Variants in CXCL13 observed in about 807,000 individuals in gnomAD.
CXCL13 encodes C-X-C motif chemokine ligand 13.
In CXCL13, 7 loss-of-function variants were observed where a neutral mutation model predicts 12.2. The ratio of observed to expected loss-of-function variants is 0.57; its 90% CI spans 0.33 to 1.07. CXCL13 has a LOEUF of 1.07. CXCL13 is among the 50% of genes least tolerant of loss of function. CXCL13 has a pLI of 0.04. For missense variants in CXCL13, 113 were observed against 127.4 expected, an observed-to-expected ratio of 0.89 and a Z score of 0.55; for synonymous variants, 47 against 42.4, an observed-to-expected ratio of 1.11 and a Z score of -0.42.
intron 1 of CXCL13, among the ~76,000 whole-genome samples, chr4:77,535,320 T>A (rs1429383989): frequency 2.0e-5 from 3 of 152,212 alleles, no homozygotes; most frequent in African/African-American, 7.2e-5. Flanking sequence ...TTTTATAAAT[T>A]CTTCAATGTA....
At chr4:77,529,703 G>A (rs561650270) in intron 1 of CXCL13, among the ~76,000 whole-genome samples, 2 of 152,228 alleles carry the variant, frequency 1.3e-5, no homozygotes, top group Admixed American at 6.5e-5. Flanking sequence ...TCTAGATATA[G>A]AATCATGTCA....
intron 1 of CXCL13, among the ~76,000 whole-genome samples, chr4:77,527,560 A>G (rs1037196802): frequency 5.9e-5 from 9 of 152,048 alleles, no homozygotes; most frequent in African/African-American, 1.9e-4. Flanking sequence ...TAAGCCTGAG[A>G]GGTGGAGGTT....
At chr4:77,594,986 A>G (rs917682598) in intron 1 of CXCL13, among the ~76,000 whole-genome samples, 1 of 152,146 alleles carries the variant, frequency 6.6e-6, no homozygotes, top group Non-Finnish European at 1.5e-5. Flanking sequence ...TGGCCACGGT[A>G]AGAGTATGTA....
intron 1 of CXCL13, among the ~76,000 whole-genome samples, chr4:77,563,355 T>G (rs1725857930): frequency 6.6e-6 from 1 of 152,232 alleles, no homozygotes; most frequent in African/African-American, 2.4e-5. Flanking sequence ...GTGCTGTGTT[T>G]ACACTACAGC....
At chr4:77,604,920 A>C (rs1253633375), upstream of CXCL13, among the ~76,000 whole-genome samples, 7 of 152,232 alleles carry the variant, frequency 4.6e-5, no homozygotes, top group African/African-American at 1.7e-4. Context: ...ACTCTAGGCC[A>C]GACTAGCCAG....
chr4:77,572,406 G>GA (rs1383751835), intron 1 of CXCL13, among the ~76,000 whole-genome samples: 7 of 150,738 alleles, frequency 4.6e-5, no homozygotes, highest in South Asian at 2.1e-4. Flanking sequence ...GTCTCAAAAA[G>GA]AAAAAAAATA....
chr4:77,513,074 C>T (rs1196036109), intron 1 of CXCL13, among the ~76,000 whole-genome samples: 1 of 152,110 alleles, frequency 6.6e-6, no homozygotes, highest in East Asian at 1.9e-4. Flanking sequence ...TGATGGTTTC[C>T]ACCTTCACCC....
intron 1 of CXCL13, among the ~76,000 whole-genome samples, chr4:77,514,025 A>T (rs1476069526): frequency 1.3e-5 from 2 of 151,924 alleles, no homozygotes; most frequent in African/African-American, 4.8e-5. Context: ...CTCATTGTTC[A>T]ATTCCCACCT....
chr4:77,534,211 A>C (rs1373226132), intron 1 of CXCL13, among the ~76,000 whole-genome samples: 1 of 152,148 alleles, frequency 6.6e-6, no homozygotes, highest in African/African-American at 2.4e-5. Context: ...AACAAAAGAC[A>C]TGCAACTACC....
At chr4:77,519,373 G>T (rs987393456) in intron 1 of CXCL13, among the ~76,000 whole-genome samples, 1 of 152,190 alleles carries the variant, frequency 6.6e-6, no homozygotes, top group Non-Finnish European at 1.5e-5. Context: ...CACGCTGGGA[G>T]CTGTAGACCG....
chr4:77,537,500 AG>A lies in CXCL13; in HGVS notation c.-43+25714del, dbSNP rs936046686. On this transcript the variant is annotated intron_variant, in intron 1 of 4. Transcript: ENST00000286758. ...CAGGGTACAGAGCAAAGCAGAGAAT[AG>A]GTCTGGAGGGGCAATGGAAGATATA... 5.8e-4 allele frequency among the ~76,000 whole-genome samples: 89 copies of A among 152,332 alleles called. 1 individual carries two copies. The highest frequency in any genetic ancestry group is 2.0e-3 in the African/African-American group (85 of 41,578).
At chr4:77,524,071 A>G (rs897364327) in intron 1 of CXCL13, among the ~76,000 whole-genome samples, 1 of 151,948 alleles carries the variant, frequency 6.6e-6, no homozygotes, top group Admixed American at 6.6e-5. Context: ...GCAGAACAGC[A>G]AATATTGCTG....
At chr4:77,516,012 C>T (rs991855363) in intron 1 of CXCL13, among the ~76,000 whole-genome samples, 2 of 152,112 alleles carry the variant, frequency 1.3e-5, no homozygotes, top group Admixed American at 6.5e-5. Flanking sequence ...GAGTTTTTAG[C>T]GTGAAGTGCT....
intron 1 of CXCL13, among the ~76,000 whole-genome samples, chr4:77,543,396 G>C (rs1725254809): frequency 1.3e-5 from 2 of 151,982 alleles, no homozygotes; most frequent in Non-Finnish European, 2.9e-5. Context: ...TCTTCTGCTA[G>C]CTTTGGGGTT....
chr4:77,576,853 A>G (rs1412233398), intron 1 of CXCL13, among the ~76,000 whole-genome samples: 2 of 152,206 alleles, frequency 1.3e-5, no homozygotes, highest in East Asian at 3.8e-4. Flanking sequence ...ACTCCGTCCT[A>G]TCATGATTTG....
intron 1 of CXCL13, among the ~76,000 whole-genome samples, chr4:77,521,059 G>C (rs1724582684): frequency 6.6e-6 from 1 of 152,176 alleles, no homozygotes; most frequent in Non-Finnish European, 1.5e-5. Context: ...GCATCCCAGG[G>C]ATGAAGCCAA....
intron 1 of CXCL13, among the ~76,000 whole-genome samples, chr4:77,557,824 C>T (rs1208622902): frequency 6.6e-6 from 1 of 152,236 alleles, no homozygotes; most frequent in Non-Finnish European, 1.5e-5. Context: ...ACACAGATGG[C>T]TAGTGGGCTT....
intron 1 of CXCL13, among the ~76,000 whole-genome samples, chr4:77,531,108 T>C (rs1257523554): frequency 6.8e-6 from 1 of 146,796 alleles, no homozygotes. Flanking sequence ...TTTATTATTA[T>C]TATTATTATT....
intron 1 of CXCL13, among the ~76,000 whole-genome samples, chr4:77,533,626 C>T (rs965139339): frequency 2.6e-5 from 4 of 152,166 alleles, no homozygotes; most frequent in Non-Finnish European, 5.9e-5. Flanking sequence ...TGCCCTGCCC[C>T]CAGAGGTGGA....
Sources: allele counts gnomAD v4.1 joint callset (sites outside exome capture counted in the v4.1 genomes callset), GRCh38; gene constraint gnomAD v4.1.1; transcripts MANE v1.5; gene names NCBI Gene and HGNC (gene_info 2026-07-23, HGNC 2026-07-21).